Variants in NUDCD3 observed in about 807,000 individuals in gnomAD.
NUDCD3 encodes the protein nudC domain-containing protein 3.
NUDCD3 carries 13 observed loss-of-function variants against 39.7 expected under a neutral mutation model. The ratio of observed to expected loss-of-function variants is 0.33; its 90% CI spans 0.21 to 0.52. The LOEUF (loss-of-function observed/expected upper bound fraction) is 0.52. Ranked by LOEUF, NUDCD3 falls within the 20% of genes least tolerant of loss-of-function variation. The pLI is 0.96. For missense variants in NUDCD3, 453 were observed against 458.1 expected, an observed-to-expected ratio of 0.99 and a Z score of 0.10; for synonymous variants, 175 against 172.4, an observed-to-expected ratio of 1.02 and a Z score of -0.12.
chr7:44,423,009 T>A (rs916407997), intron 3 of NUDCD3, among the ~76,000 whole-genome samples: 2 of 152,152 alleles, frequency 1.3e-5, no homozygotes, highest in African/African-American at 4.8e-5. Flanking sequence ...ATAAATGTAA[T>A]CCATCACATA....
intron 3 of NUDCD3, among the ~76,000 whole-genome samples, chr7:44,414,063 T>A (rs540407596): frequency 5.9e-4 from 90 of 151,866 alleles, no homozygotes; most frequent in Non-Finnish European, 1.2e-3. Context: ...AGAAAGAAAT[T>A]AGAAATACAT....
At chr7:44,423,083 A>G (rs974726211) in intron 3 of NUDCD3, among the ~76,000 whole-genome samples, 2 of 152,240 alleles carry the variant, frequency 1.3e-5, no homozygotes, top group Non-Finnish European at 2.9e-5. Flanking sequence ...CTTCAATAAA[A>G]TTCAACACCC....
intron 2 of NUDCD3, among the ~76,000 whole-genome samples, chr7:44,476,241 T>A (rs1365995494): frequency 2.0e-5 from 3 of 152,210 alleles, no homozygotes; most frequent in East Asian, 3.9e-4. Context: ...GGCACCTTTC[T>A]ATTCTCCTGA....
chr7:44,427,806 ACTCAAGTTTCAT>A, intron 2 of NUDCD3, 103 bp from the exon 3 acceptor site: 8 of 1,239,986 alleles, frequency 6.5e-6, no homozygotes, highest in Non-Finnish European at 8.8e-6. Context: ...GACGTGACCA[ACTCAAGTTTCAT>A]CTCAAGTTCA....
At chr7:44,479,918 G>A (rs940308023) in intron 2 of NUDCD3, among the ~76,000 whole-genome samples, 3 of 152,146 alleles carry the variant, frequency 2.0e-5, no homozygotes, top group East Asian at 1.9e-4. Context: ...TACATTTCAG[G>A]TATAACTAGA....
In NUDCD3 at chr7:44,392,236, C is replaced by T. The variant is rs141023244; in HGVS notation, c.975+61G>A. The T allele has an allele frequency of 1.2e-3, 1,791 of 1,508,466 alleles. 2 individuals are homozygous for T. Among genetic ancestry groups the T allele is most frequent in the Non-Finnish European group, 1.5e-3 (1,665 of 1,100,966 alleles). 93.4% of individuals were successfully genotyped at this position (1,508,466 alleles called of 1,614,324 possible). A position where few individuals can be genotyped will look rare whatever the true frequency, so the allele number is the denominator to read the frequency against. ...TCATCACCAACCCCTCTGCCACTATCGGCCTTGTCACCAGCACAAGGGCCT... is the reference window on the plus strand; with the variant it reads ...TCATCACCAACCCCTCTGCCACTATTGGCCTTGTCACCAGCACAAGGGCCT... On this transcript the variant is annotated intron_variant, in intron 5 of 5. Transcript: ENST00000355451.
At chr7:44,456,004 C>T (rs1416856176) in intron 2 of NUDCD3, among the ~76,000 whole-genome samples, 1 of 98,316 alleles carries the variant, frequency 1.0e-5, no homozygotes, top group Non-Finnish European at 1.9e-5. Context: ...CCAGCCTGGG[C>T]GACAGAGCGA....
intron 2 of NUDCD3, among the ~76,000 whole-genome samples, chr7:44,473,809 G>A (rs1003369850): frequency 6.6e-6 from 1 of 151,968 alleles, no homozygotes; most frequent in African/African-American, 2.4e-5. Context: ...TCCAGCTAGT[G>A]GGAAATACAA....
intron 2 of NUDCD3, 34 bp downstream of exon 2, chr7:44,484,934 A>G (rs1800572898): frequency 1.3e-6 from 2 of 1,503,672 alleles, no homozygotes; most frequent in Non-Finnish European, 1.8e-6. Context: ...ATGTTACGCA[A>G]GAAAGAAGGA....
intron 3 of NUDCD3, among the ~76,000 whole-genome samples, chr7:44,414,069 T>C (rs1798977709): frequency 6.6e-6 from 1 of 151,782 alleles, no homozygotes; most frequent in Admixed American, 6.6e-5. Context: ...AAATTAGAAA[T>C]ACATATACCT....
At chr7:44,470,727 G>T (rs371235978) in intron 2 of NUDCD3, among the ~76,000 whole-genome samples, 1 of 152,216 alleles carries the variant, frequency 6.6e-6, no homozygotes, top group Non-Finnish European at 1.5e-5. Flanking sequence ...CAGCCTGACG[G>T]CTCAGCACAA....
intron 2 of NUDCD3, among the ~76,000 whole-genome samples, chr7:44,471,071 G>GT (rs1800246663): frequency 6.6e-6 from 1 of 152,198 alleles, no homozygotes; most frequent in Admixed American, 6.5e-5. Context: ...AATGAACAAA[G>GT]TTCCTGCCTT....
chr7:44,455,298 T>C (rs1338559654), intron 2 of NUDCD3, among the ~76,000 whole-genome samples: 1 of 152,148 alleles, frequency 6.6e-6, no homozygotes, highest in Non-Finnish European at 1.5e-5. Flanking sequence ...ACTTGGCGTG[T>C]GTATGGCACT....
chr7:44,485,554 T>C, intron 1 of NUDCD3: 1 of 363,062 alleles, frequency 2.8e-6, no homozygotes, highest in Non-Finnish European at 5.0e-6. Flanking sequence ...AGTTAGATGG[T>C]CTTTGTTGTC....
At chr7:44,430,603 CA>C (rs1491338884) in intron 2 of NUDCD3, among the ~76,000 whole-genome samples, 3 of 149,252 alleles carry the variant, frequency 2.0e-5, no homozygotes, top group African/African-American at 7.5e-5. Flanking sequence ...CACACACACA[CA>C]AAAGACCAAC....
chr7:44,419,294 C>CT (rs1025086898), intron 3 of NUDCD3, among the ~76,000 whole-genome samples: 39 of 145,656 alleles, frequency 2.7e-4, no homozygotes, highest in African/African-American at 9.7e-4. Context: ...TTCCTTCTCA[C>CT]TGGGCAGGGC....
rs1798820682 is a variant in NUDCD3, at chr7:44,406,338, C to T, written c.643-1755G>A. Among the ~76,000 whole-genome samples the T allele has an allele frequency of 1.3e-5, 2 of 152,192 alleles. 1 individual carries two copies. Among genetic ancestry groups the T allele is most frequent in the Admixed American group, 1.3e-4 (2 of 15,288 alleles). On this transcript the variant is annotated intron_variant, in intron 3 of 5. Transcript: ENST00000355451. ...TATTTACTTGGCTAGTCCTATTGAACAATAGGCAACTGAGCTTCACTCCCT... is the reference window on the plus strand; with the variant it reads ...TATTTACTTGGCTAGTCCTATTGAATAATAGGCAACTGAGCTTCACTCCCT...
rs181082689 is a variant in NUDCD3 at position 44,416,165 on chromosome 7, C to G, written c.642+11406G>C. On this transcript the variant is annotated intron_variant, in intron 3 of 5. Transcript: ENST00000355451. Reference sequence around the variant, plus strand: ...GTGGCACAATCACAGTTCGCAGAAGCCTTGACCTCCTGGGCTCAGGTAATC... The same window carrying G: ...GTGGCACAATCACAGTTCGCAGAAGGCTTGACCTCCTGGGCTCAGGTAATC... Among the ~76,000 whole-genome samples the G allele has an allele frequency of 5.3e-5, 8 of 152,284 alleles. No individual in the cohort carries two copies. The East Asian group carries it at 9.6e-4, about 18-fold the overall frequency.
chr7:44,483,452 A>G (rs1023027987), intron 2 of NUDCD3, among the ~76,000 whole-genome samples: 1 of 152,174 alleles, frequency 6.6e-6, no homozygotes, highest in African/African-American at 2.4e-5. Flanking sequence ...TCTGCACTAT[A>G]AAAAATATTT....
Sources: gnomAD v4.1 joint callset for allele counts (sites outside exome capture counted in the v4.1 genomes callset) on GRCh38, gnomAD v4.1.1 for gene constraint, MANE v1.5 for transcripts, NCBI Gene and HGNC (gene_info 2026-07-23, HGNC 2026-07-21) for gene names.